Variants in BABAM2 observed in about 807,000 individuals in gnomAD.
BABAM2 encodes the protein BRISC and BRCA1-A complex member 2.
A neutral mutation model predicts 54.7 loss-of-function variants in BABAM2; 31 were observed. The ratio of observed to expected loss-of-function variants is 0.57; its 90% confidence interval spans 0.43 to 0.77. The LOEUF (loss-of-function observed/expected upper bound fraction) is 0.77. Ranked by LOEUF, BABAM2 falls within the 30% of genes least tolerant of loss-of-function variation. BABAM2 has a pLI of 0.00. For synonymous variants in BABAM2, 167 were observed against 162.9 expected (o/e 1.03, Z -0.19); for missense variants, 364 against 455.8 (o/e 0.80, Z 1.83).
At chr2:28,195,658 A>G (rs1457856987) in intron 7 of BABAM2, among the ~76,000 whole-genome samples, 1 of 152,204 alleles carries the variant, frequency 6.6e-6, no homozygotes, top group African/African-American at 2.4e-5. Flanking sequence ...TCGTAGATAC[A>G]TAGCTGTAAT....
intron 6 of BABAM2, among the ~76,000 whole-genome samples, chr2:28,049,100 T>G (rs1677814908): frequency 1.3e-5 from 2 of 152,190 alleles, no homozygotes; most frequent in African/African-American, 4.8e-5. Flanking sequence ...AAGAATACAG[T>G]ATTTTGGGGG....
chr2:28,007,342 A>G (rs529708814), intron 4 of BABAM2, among the ~76,000 whole-genome samples: 8 of 152,214 alleles, frequency 5.3e-5, no homozygotes, highest in Non-Finnish European at 8.8e-5. Flanking sequence ...TGTTAAACAT[A>G]TATACATATA....
At chr2:28,039,953 G>T (rs1235605934) in intron 5 of BABAM2, among the ~76,000 whole-genome samples, 2 of 57,280 alleles carry the variant, frequency 3.5e-5, no homozygotes, top group Non-Finnish European at 7.8e-5. Context: ...TTTGACCAAG[G>T]ACTGACAAAA....
At chr2:27,997,071 A>G (rs1337663108) in intron 4 of BABAM2, among the ~76,000 whole-genome samples, 2 of 152,162 alleles carry the variant, frequency 1.3e-5, no homozygotes, top group African/African-American at 4.8e-5. Flanking sequence ...CCTTGGTAAG[A>G]ATACAGAATT....
At chr2:28,289,748 G>A (rs866131311) in intron 10 of BABAM2, among the ~76,000 whole-genome samples, 17 of 151,958 alleles carry the variant, frequency 1.1e-4, no homozygotes, top group African/African-American at 2.2e-4. Context: ...CCGAGATCAC[G>A]CTACCACACT....
At chr2:28,173,487 A>G (rs768568034) in intron 7 of BABAM2, among the ~76,000 whole-genome samples, 1 of 152,172 alleles carries the variant, frequency 6.6e-6, no homozygotes, top group Non-Finnish European at 1.5e-5. Flanking sequence ...GGGATGTCCT[A>G]CGGTTTAGAG....
chr2:28,109,687 G>C (rs1396230834), intron 6 of BABAM2, among the ~76,000 whole-genome samples: 1 of 152,138 alleles, frequency 6.6e-6, no homozygotes, highest in Non-Finnish European at 1.5e-5. Context: ...GCCCATGCCA[G>C]CTCTCTCCAC....
At chr2:28,244,758 T>C in intron 9 of BABAM2, 22 bp from the exon 10 acceptor site, 1 of 1,598,996 alleles carries the variant, frequency 6.3e-7, no homozygotes, top group Non-Finnish European at 8.5e-7. Context: ...TTTGTTTGTG[T>C]GTGTATGTTT....
chr2:28,127,508 C>T (rs62140449), intron 6 of BABAM2, among the ~76,000 whole-genome samples: 13,527 of 151,918 alleles, frequency 0.089, 769 homozygotes, highest in Non-Finnish European at 0.13. Flanking sequence ...AGGGGAGGAG[C>T]GAGAGGAGAG....
At chr2:27,891,643 A>G (rs779538869) in intron 1 of BABAM2, among the ~76,000 whole-genome samples, 4 of 151,846 alleles carry the variant, frequency 2.6e-5, no homozygotes, top group Non-Finnish European at 4.4e-5. Context: ...CCAAAGGACC[A>G]GTGTTTTTGG....
chr2:28,040,455 T>C (rs1025248219), intron 5 of BABAM2, among the ~76,000 whole-genome samples: 23 of 150,678 alleles, frequency 1.5e-4, no homozygotes, highest in Non-Finnish European at 3.0e-4. Flanking sequence ...CGCCCGCCAC[T>C]ACGCCCGGCT....
At chr2:28,026,878 A>ATATATAGATATATATATTTATC (rs1440003973) in intron 5 of BABAM2, among the ~76,000 whole-genome samples, 1 of 57,488 alleles carries the variant, frequency 1.7e-5, no homozygotes, top group Non-Finnish European at 3.2e-5. Flanking sequence ...ATATATTTAT[A>ATATATAGATATATATATTTATC]TATATATAGA....
intron 5 of BABAM2, among the ~76,000 whole-genome samples, chr2:28,027,609 T>G (rs1366933493): frequency 1.3e-5 from 2 of 152,234 alleles, no homozygotes; most frequent in Non-Finnish European, 2.9e-5. Flanking sequence ...ATGTTTGAGG[T>G]TCATCCATGT....
At chr2:28,292,507 C>T (rs539062501) in intron 10 of BABAM2, among the ~76,000 whole-genome samples, 11 of 152,000 alleles carry the variant, frequency 7.2e-5, no homozygotes, top group Non-Finnish European at 1.5e-4. Flanking sequence ...ATCAGAAGAC[C>T]CTATTATAAG....
intron 3 of BABAM2, among the ~76,000 whole-genome samples, chr2:27,950,722 A>G (rs1669647746): frequency 6.6e-6 from 1 of 152,022 alleles, no homozygotes; most frequent in African/African-American, 2.4e-5. Flanking sequence ...AAGAATTCAT[A>G]TTATTTCTTC....
chr2:28,099,892 A>G (rs1026852556), intron 6 of BABAM2, among the ~76,000 whole-genome samples: 1 of 152,024 alleles, frequency 6.6e-6, no homozygotes, highest in African/African-American at 2.4e-5. Flanking sequence ...TTTACATTTA[A>G]CTACCAAATT....
At chr2:28,004,269 G>A (rs1489726456) in intron 4 of BABAM2, among the ~76,000 whole-genome samples, 3 of 152,076 alleles carry the variant, frequency 2.0e-5, no homozygotes, top group East Asian at 1.9e-4. Context: ...AAAGGAAAAC[G>A]CCAGCTCAGC....
rs1482686742 is a variant in BABAM2, at chr2:27,990,726, TTA to T, written c.300+2640_300+2641del. On this transcript the variant is annotated intron_variant, in intron 4 of 11. Transcript: ENST00000379624. The stretch of plus-strand genomic sequence containing the variant: ...CCTGTATTTTTAAAACAAAAATATA[TTA>T]AATTATAAATATTTGAGAAAAAAAT... 2.6e-5 allele frequency among the ~76,000 whole-genome samples: 4 copies of T among 152,214 alleles called. No homozygotes were observed. In the East Asian group the frequency reaches 5.8e-4, roughly 22 times the overall value.
At chr2:27,999,635 A>G (rs1311987151) in intron 4 of BABAM2, among the ~76,000 whole-genome samples, 1 of 152,102 alleles carries the variant, frequency 6.6e-6, no homozygotes, top group Non-Finnish European at 1.5e-5. Context: ...AGACGTTGAA[A>G]CTTTTGTGAG....
Sources: gnomAD v4.1 joint callset for allele counts (sites outside exome capture counted in the v4.1 genomes callset) on GRCh38, gnomAD v4.1.1 for gene constraint, MANE v1.5 for transcripts, NCBI Gene and HGNC (gene_info 2026-07-23, HGNC 2026-07-21) for gene names.